The following SHISA9 variants were observed in gnomAD, a reference collection of about 807,000 sequenced individuals.
The protein encoded by SHISA9 is shisa family member 9.
SHISA9 carries 13 observed loss-of-function variants against 38.0 expected under a neutral mutation model. The ratio of observed to expected loss-of-function variants is 0.34; its 90% confidence interval spans 0.22 to 0.54. SHISA9 has a LOEUF of 0.54. Among genes scored for constraint, SHISA9 ranks in the 20% least tolerant of loss-of-function variants. The pLI, the probability that SHISA9 is intolerant of heterozygous loss-of-function variation, is 0.91. For missense variants in SHISA9, 538 were observed against 575.8 expected, an observed-to-expected ratio of 0.93 and a Z score of 0.67; for synonymous variants, 275 against 242.0, an observed-to-expected ratio of 1.14 and a Z score of -1.27.
chr16:13,011,616 G>C (rs913073635), intron 2 of SHISA9, among the ~76,000 whole-genome samples: 1 of 151,992 alleles, frequency 6.6e-6, no homozygotes, highest in Non-Finnish European at 1.5e-5. Flanking sequence ...CTGCCTCCCG[G>C]GTTCATTCCA....
chr16:13,458,943 C>G, the SHISA9 span, among the ~76,000 whole-genome samples: 6 of 151,952 alleles, frequency 3.9e-5, no homozygotes, highest in African/African-American at 7.3e-5. Context: ...TCTCGGCTCA[C>G]TGCAACCTGC....
chr16:12,943,710 T>G (rs1297619950), intron 2 of SHISA9, among the ~76,000 whole-genome samples: 1 of 152,138 alleles, frequency 6.6e-6, no homozygotes, highest in African/African-American at 2.4e-5. Flanking sequence ...TTGGCCATGG[T>G]GCACAGCTGA....
the SHISA9 span, among the ~76,000 whole-genome samples, chr16:13,521,485 G>A: frequency 5.7e-3 from 872 of 152,204 alleles, 15 homozygotes; most frequent in African/African-American, 0.02. Flanking sequence ...ATTTTATCCT[G>A]TTCAACTCTG....
intron 2 of SHISA9, among the ~76,000 whole-genome samples, chr16:13,033,348 A>C (rs1382505996): frequency 1.3e-5 from 2 of 152,218 alleles, no homozygotes; most frequent in Admixed American, 6.5e-5. Context: ...AATACTGGAC[A>C]GGCAAAACCA....
the SHISA9 span, among the ~76,000 whole-genome samples, chr16:13,292,562 C>T: frequency 6.6e-6 from 1 of 152,046 alleles, no homozygotes; most frequent in South Asian, 2.1e-4. Flanking sequence ...TCTCTCTCTT[C>T]TTAGTAGCCT....
At chr16:13,026,708 A>G (rs1043050464) in intron 2 of SHISA9, among the ~76,000 whole-genome samples, 1 of 152,220 alleles carries the variant, frequency 6.6e-6, no homozygotes, top group Admixed American at 6.5e-5. Context: ...TGACCTCCTC[A>G]AGCCCTACTT....
chr16:13,080,768 G>T (rs565375929), intron 2 of SHISA9, among the ~76,000 whole-genome samples: 14 of 152,248 alleles, frequency 9.2e-5, no homozygotes, highest in Non-Finnish European at 1.8e-4. Context: ...GAAGAAGGTT[G>T]TTACTATGTG....
chr16:13,479,223 C>A, the SHISA9 span, among the ~76,000 whole-genome samples: 1 of 152,296 alleles, frequency 6.6e-6, no homozygotes, highest in South Asian at 2.1e-4. Context: ...TTAAGGGCCC[C>A]TGTGATTACT....
At chr16:12,927,926 A>G (rs977271687) in intron 2 of SHISA9, among the ~76,000 whole-genome samples, 1 of 152,218 alleles carries the variant, frequency 6.6e-6, no homozygotes, top group African/African-American at 2.4e-5. Flanking sequence ...AAAGATGATT[A>G]AAAGTTAAAA....
chr16:12,904,420 A>C (rs2071065702), intron 1 of SHISA9, among the ~76,000 whole-genome samples: 1 of 152,144 alleles, frequency 6.6e-6, no homozygotes, highest in Non-Finnish European at 1.5e-5. Flanking sequence ...CATCTGTGGG[A>C]GAAAGTGATG....
chr16:13,176,412 C>A (rs910844251), intron 2 of SHISA9, among the ~76,000 whole-genome samples: 2 of 152,228 alleles, frequency 1.3e-5, no homozygotes, highest in African/African-American at 4.8e-5. Flanking sequence ...TCTCTACCTC[C>A]TCGTCCTGAC....
At chr16:13,032,749 T>A (rs2073007060) in intron 2 of SHISA9, among the ~76,000 whole-genome samples, 1 of 152,176 alleles carries the variant, frequency 6.6e-6, no homozygotes, top group Non-Finnish European at 1.5e-5. Context: ...TTATGACTCT[T>A]GATTGTTGCA....
chr16:13,193,358 C>G (rs912752076), intron 2 of SHISA9, among the ~76,000 whole-genome samples: 1 of 151,892 alleles, frequency 6.6e-6, no homozygotes, highest in Non-Finnish European at 1.5e-5. Context: ...TTTATTTGGC[C>G]TTTTTATTTT....
At chr16:13,170,361 A>G (rs552326790) in intron 2 of SHISA9, among the ~76,000 whole-genome samples, 2 of 152,316 alleles carry the variant, frequency 1.3e-5, no homozygotes, top group Non-Finnish European at 2.9e-5. Context: ...CCCTGAACTC[A>G]GGGGCTTTGT....
intron 2 of SHISA9, among the ~76,000 whole-genome samples, chr16:13,084,461 C>A (rs754922779): frequency 3.9e-5 from 6 of 152,088 alleles, no homozygotes; most frequent in Non-Finnish European, 5.9e-5. Flanking sequence ...AGCTCAGGTG[C>A]CTTAGAGTGA....
chr16:13,303,678 G>A, the SHISA9 span, among the ~76,000 whole-genome samples: 1 of 152,134 alleles, frequency 6.6e-6, no homozygotes, highest in South Asian at 2.1e-4. Context: ...CAGAGGTGGT[G>A]GCTGTACAGC....
the SHISA9 span, among the ~76,000 whole-genome samples, chr16:13,477,251 T>C: frequency 6.6e-6 from 1 of 152,168 alleles, no homozygotes; most frequent in African/African-American, 2.4e-5. Context: ...TGCAGTAGAC[T>C]TAGGGCTGTG....
At chr16:12,983,626 C>A (rs181315755) in intron 2 of SHISA9, among the ~76,000 whole-genome samples, 1 of 152,164 alleles carries the variant, frequency 6.6e-6, no homozygotes. Context: ...GTAGCTGGGA[C>A]TACAGGCGCC....
the SHISA9 span, among the ~76,000 whole-genome samples, chr16:13,324,539 T>C: frequency 6.6e-6 from 1 of 152,154 alleles, no homozygotes; most frequent in Admixed American, 6.5e-5. Context: ...GTAATTTCAC[T>C]TCTATGAGCT....
Sources: allele counts gnomAD v4.1 joint callset (sites outside exome capture counted in the v4.1 genomes callset), GRCh38; gene constraint gnomAD v4.1.1; transcripts MANE v1.5; gene names NCBI Gene and HGNC (gene_info 2026-07-23, HGNC 2026-07-21).